Variants in RPH3A observed in about 807,000 individuals in gnomAD.
RPH3A encodes rabphilin-3A.
RPH3A carries 48 observed loss-of-function variants against 102.2 expected under a neutral mutation model. The ratio of observed to expected loss-of-function variants is 0.47; its 90% CI spans 0.37 to 0.60. RPH3A has a LOEUF of 0.60. Ranked by LOEUF, RPH3A falls within the 20% of genes least tolerant of loss-of-function variation. The pLI is 0.00. For synonymous variants in RPH3A, 310 were observed against 324.3 expected, an observed-to-expected ratio of 0.96 and a Z score of 0.47; for missense variants, 781 against 910.1, an observed-to-expected ratio of 0.86 and a Z score of 1.83.
At position 112,791,867 on chromosome 12, in the gene RPH3A, G is replaced by GAGAGAGAGAGAGAGAGAGAGAGA. The variant is rs2041111551; in HGVS notation, c.-285_-284insAGAGAGAGAGAGAGAGAGAGAGA. 2.1e-5 allele frequency: 1 copy of GAGAGAGAGAGAGAGAGAGAGAGA among 48,484 alleles called. No homozygotes were observed. Among genetic ancestry groups the GAGAGAGAGAGAGAGAGAGAGAGA allele is most frequent in the Admixed American group, 2.8e-4 (1 of 3,524 alleles). The allele number at this position is 48,484 out of a possible 1,614,324, so 3.0% of individuals were successfully genotyped here. On this transcript the variant is annotated 5_prime_UTR_variant, in exon 1 of 22. Transcript: ENST00000389385. ...CGCGGACTGGAAAGGAAGGGAGAAG[G>GAGAGAGAGAGAGAGAGAGAGAGA]GAGAGAGAGAGAGAGAGAGAGAGAG...
rs138807171 is a variant in RPH3A at position 112,704,890 on chromosome 12, T to C, written c.-139-87253T>C. Among the ~76,000 whole-genome samples the C allele has an allele frequency of 3.0e-3, 458 of 152,294 alleles. 1 individual carries two copies. The highest frequency in any genetic ancestry group is 4.7e-3 in the Non-Finnish European group (317 of 68,024). On this transcript the variant is annotated intron_variant, in intron 1 of 21. Coordinates refer to the RPH3A transcript ENST00000543106. ...ATTGTTACACAAATTTTGCAATAAT[T>C]ATATCTTTTAAATGGGTCGTGCTAA...
intron 1 of RPH3A, among the ~76,000 whole-genome samples, chr12:112,636,699 A>G (rs2039851327): frequency 6.6e-6 from 1 of 152,174 alleles, no homozygotes; most frequent in Non-Finnish European, 1.5e-5. Flanking sequence ...AGTGATCACA[A>G]CTGTCCCAGA....
chr12:112,632,369 A>G (rs909033098), intron 1 of RPH3A, among the ~76,000 whole-genome samples: 15 of 152,082 alleles, frequency 9.9e-5, no homozygotes, highest in African/African-American at 3.6e-4. Flanking sequence ...CATCTTTCTG[A>G]GTCTCCAATG....
chr12:112,873,476 C>CA (rs1000816872), intron 10 of RPH3A, among the ~76,000 whole-genome samples: 1 of 152,228 alleles, frequency 6.6e-6, no homozygotes, highest in Non-Finnish European at 1.5e-5. Flanking sequence ...CCTGGAATCT[C>CA]AGAGTCCTCC....
At chr12:112,869,528 T>A (rs2042669004) in intron 8 of RPH3A, 8 of 543,948 alleles carry the variant, frequency 1.5e-5, no homozygotes. Flanking sequence ...CTGTATAGCA[T>A]AATTGTTCTT....
At chr12:112,624,011 C>T (rs1213062470) in intron 1 of RPH3A, among the ~76,000 whole-genome samples, 16 of 146,164 alleles carry the variant, frequency 1.1e-4, no homozygotes, top group South Asian at 4.7e-4. Context: ...TTGAAACCAA[C>T]GAGAACAAAG....
chr12:112,671,663 A>G (rs2040131037), intron 1 of RPH3A, among the ~76,000 whole-genome samples: 1 of 152,180 alleles, frequency 6.6e-6, no homozygotes, highest in Non-Finnish European at 1.5e-5. Flanking sequence ...TAATTTCCCC[A>G]GGCAGACCAG....
At chr12:112,590,918 C>T (rs924469020) in intron 1 of RPH3A, among the ~76,000 whole-genome samples, 21 of 152,108 alleles carry the variant, frequency 1.4e-4, no homozygotes, top group African/African-American at 4.8e-4. Flanking sequence ...CCTCAGCCTC[C>T]CGAGTAGTTG....
chr12:112,832,012 C>T (rs2041978396), intron 3 of RPH3A, among the ~76,000 whole-genome samples: 1 of 152,146 alleles, frequency 6.6e-6, no homozygotes, highest in Non-Finnish European at 1.5e-5. Flanking sequence ...AAATTCTCAG[C>T]ATTATCTCTT....
chr12:112,766,317 G>A (rs756093574), intron 1 of RPH3A, among the ~76,000 whole-genome samples: 23 of 152,210 alleles, frequency 1.5e-4, no homozygotes, highest in Non-Finnish European at 2.9e-4. Flanking sequence ...TGAGATAAAT[G>A]AGTAAATATG....
chr12:112,834,793 C>T (rs1349381971), intron 3 of RPH3A, among the ~76,000 whole-genome samples: 1 of 152,050 alleles, frequency 6.6e-6, no homozygotes, highest in African/African-American at 2.4e-5. Context: ...TCAGGTAATT[C>T]ATCTTCTTGT....
chr12:112,797,545 G>A (rs1195743095), intron 2 of RPH3A, among the ~76,000 whole-genome samples: 1 of 152,114 alleles, frequency 6.6e-6, no homozygotes, highest in Non-Finnish European at 1.5e-5. Flanking sequence ...GCTAACCTCA[G>A]ACAATTCCAA....
chr12:112,869,753 C>T lies in RPH3A; in HGVS notation c.611-6C>T, dbSNP rs748443926. On this transcript the variant is annotated splice_polypyrimidine_tract_variant and splice_region_variant and intron_variant, in intron 8 of 21. Transcript: ENST00000389385. ...ACTCCTCATAATTTGTGTTTTCTTTCTCCAGGTGACAGTGAAGATAGGAGG... is the reference window on the plus strand; with the variant it reads ...ACTCCTCATAATTTGTGTTTTCTTTTTCCAGGTGACAGTGAAGATAGGAGG... 1.9e-6 allele frequency: 3 copies of T among 1,614,144 alleles called. No homozygotes were observed. Among genetic ancestry groups the T allele is most frequent in the Non-Finnish European group, 1.7e-6 (2 of 1,180,002 alleles).
At chr12:112,802,968 G>C (rs1357338638) in intron 2 of RPH3A, among the ~76,000 whole-genome samples, 2 of 152,206 alleles carry the variant, frequency 1.3e-5, no homozygotes, top group African/African-American at 4.8e-5. Context: ...AAAAGCTCCA[G>C]CGGCTGGAAG....
chr12:112,677,686 A>G (rs570368035), intron 1 of RPH3A, among the ~76,000 whole-genome samples: 19 of 152,008 alleles, frequency 1.2e-4, no homozygotes, highest in African/African-American at 4.6e-4. Context: ...TGGAAACAAA[A>G]TGAATCCCCA....
intron 3 of RPH3A, among the ~76,000 whole-genome samples, chr12:112,830,207 C>G (rs1054745041): frequency 6.6e-6 from 1 of 152,118 alleles, no homozygotes; most frequent in African/African-American, 2.4e-5. Flanking sequence ...AATGATCCCA[C>G]AAGCTTCAAC....
At chr12:112,672,508 T>C (rs547722011) in intron 1 of RPH3A, among the ~76,000 whole-genome samples, 24 of 152,304 alleles carry the variant, frequency 1.6e-4, no homozygotes, top group African/African-American at 5.5e-4. Flanking sequence ...CACAGGGTTA[T>C]GGTGAGATGA....
chr12:112,795,367 T>G lies in RPH3A; in HGVS notation c.-19+3104T>G, dbSNP rs560920208. Among the ~76,000 whole-genome samples the G allele has an allele frequency of 2.6e-4, 40 of 152,314 alleles. No individual in the cohort carries two copies. In the East Asian group the frequency reaches 7.1e-3, roughly 27 times the overall value. ...CTGTGGCCATAATCTGGGATAAAAA[T>G]AATTCTGGGACCCAGTCATGGTGGG... On this transcript the variant is annotated intron_variant, in intron 2 of 21. Coordinates refer to ENST00000389385, the MANE Select transcript of RPH3A (RefSeq NM_001143854.2).
intron 1 of RPH3A, among the ~76,000 whole-genome samples, chr12:112,614,345 C>T (rs1566229142): frequency 6.6e-6 from 1 of 151,922 alleles, no homozygotes; most frequent in Non-Finnish European, 1.5e-5. Context: ...AATATCAATG[C>T]CCACATCATA....
Sources: allele counts gnomAD v4.1 joint callset (sites outside exome capture counted in the v4.1 genomes callset), GRCh38; gene constraint gnomAD v4.1.1; transcripts MANE v1.5; gene names NCBI Gene and HGNC (gene_info 2026-07-23, HGNC 2026-07-21).